Variants in CNTNAP2 observed in about 807,000 individuals in gnomAD.
CNTNAP2 encodes contactin-associated protein-like 2.
CNTNAP2 carries 98 observed loss-of-function variants against 155.2 expected under a neutral mutation model. That is an observed-to-expected ratio of 0.63 (90% CI 0.54 to 0.75). CNTNAP2 has a LOEUF of 0.75. Ranked by LOEUF, CNTNAP2 falls within the 30% of genes least tolerant of loss-of-function variation. CNTNAP2 has a pLI of 0.00. For missense variants in CNTNAP2, 1,727 were observed against 1,688.1 expected, an observed-to-expected ratio of 1.02 and a Z score of -0.40; for synonymous variants, 651 against 631.2, an observed-to-expected ratio of 1.03 and a Z score of -0.47.
chr7:148,012,073 T>G (rs1235796496), intron 15 of CNTNAP2, among the ~76,000 whole-genome samples: 3 of 152,128 alleles, frequency 2.0e-5, no homozygotes, highest in African/African-American at 7.2e-5. Flanking sequence ...ATTTTTTTGG[T>G]TTTTGCCTTT....
chr7:147,573,855 C>T (rs901195367), intron 12 of CNTNAP2, among the ~76,000 whole-genome samples: 14 of 152,114 alleles, frequency 9.2e-5, no homozygotes, highest in Non-Finnish European at 2.1e-4. Context: ...TAATTTTACC[C>T]TCTAATGTGG....
intron 1 of CNTNAP2, among the ~76,000 whole-genome samples, chr7:146,751,976 T>C (rs1055363412): frequency 1.3e-5 from 2 of 152,188 alleles, no homozygotes; most frequent in Non-Finnish European, 2.9e-5. Context: ...TAGGCCTGCA[T>C]AATATTCCAT....
chr7:146,219,124 C>T (rs1244869471), intron 1 of CNTNAP2, among the ~76,000 whole-genome samples: 1 of 152,094 alleles, frequency 6.6e-6, no homozygotes, highest in Non-Finnish European at 1.5e-5. Flanking sequence ...GGGGAAATTG[C>T]CATTTATAAG....
chr7:147,115,565 G>A (rs932487496), intron 5 of CNTNAP2, among the ~76,000 whole-genome samples: 1 of 152,060 alleles, frequency 6.6e-6, no homozygotes, highest in Admixed American at 6.6e-5. Flanking sequence ...ATTTCAGAAA[G>A]TTAGGCTTCA....
At chr7:146,427,792 T>C (rs996331165) in intron 1 of CNTNAP2, among the ~76,000 whole-genome samples, 1 of 152,226 alleles carries the variant, frequency 6.6e-6, no homozygotes, top group Non-Finnish European at 1.5e-5. Context: ...TCAGTTTTGT[T>C]ACATAGGTAA....
intron 9 of CNTNAP2, among the ~76,000 whole-genome samples, chr7:147,366,901 T>C (rs1796240845): frequency 6.6e-6 from 1 of 152,184 alleles, no homozygotes; most frequent in African/African-American, 2.4e-5. Context: ...TAATTTATTA[T>C]ATATCCACTT....
chr7:146,756,309 A>G (rs949557271), intron 1 of CNTNAP2, among the ~76,000 whole-genome samples: 4 of 151,990 alleles, frequency 2.6e-5, no homozygotes, highest in East Asian at 3.8e-4. Context: ...ATACTGGCCT[A>G]TGACTTTCCA....
chr7:146,955,596 A>G (rs765590156), intron 3 of CNTNAP2, among the ~76,000 whole-genome samples: 44 of 152,058 alleles, frequency 2.9e-4, no homozygotes, highest in Non-Finnish European at 5.4e-4. Context: ...AATTGTAAAT[A>G]TGATAAGTTT....
chr7:147,907,192 G>T (rs1332230723), intron 14 of CNTNAP2, among the ~76,000 whole-genome samples: 1 of 151,936 alleles, frequency 6.6e-6, no homozygotes, highest in African/African-American at 2.4e-5. Flanking sequence ...GAGTAGCTGG[G>T]ACTACAGGCG....
At chr7:147,971,776 G>A (rs532812248) in intron 14 of CNTNAP2, among the ~76,000 whole-genome samples, 2 of 152,186 alleles carry the variant, frequency 1.3e-5, no homozygotes, top group Non-Finnish European at 1.5e-5. Context: ...GGCTTTGTGT[G>A]AACATATGCT....
intron 3 of CNTNAP2, among the ~76,000 whole-genome samples, chr7:146,934,944 A>T (rs141844618): frequency 1.2e-3 from 176 of 152,320 alleles, no homozygotes; most frequent in African/African-American, 3.3e-3. Flanking sequence ...ACTCAGAGAA[A>T]AGTTTAGAGG....
At chr7:146,973,649 T>G (rs1421191285) in intron 3 of CNTNAP2, among the ~76,000 whole-genome samples, 3 of 152,226 alleles carry the variant, frequency 2.0e-5, no homozygotes, top group Non-Finnish European at 4.4e-5. Flanking sequence ...TTATGGAAAC[T>G]CTAATTTCTA....
At chr7:147,641,935 G>C (rs1584874750) in intron 13 of CNTNAP2, among the ~76,000 whole-genome samples, 1 of 152,076 alleles carries the variant, frequency 6.6e-6, no homozygotes. Context: ...TGATATTCCT[G>C]CTCTAGAGAC....
chr7:148,129,615 A>G (rs1387300064), intron 16 of CNTNAP2, among the ~76,000 whole-genome samples: 1 of 152,230 alleles, frequency 6.6e-6, no homozygotes, highest in Non-Finnish European at 1.5e-5. Flanking sequence ...CTTGAATGAC[A>G]AAAAAGTTAA....
At chr7:146,837,351 A>G (rs1289027908) in intron 2 of CNTNAP2, among the ~76,000 whole-genome samples, 1 of 152,104 alleles carries the variant, frequency 6.6e-6, no homozygotes, top group Admixed American at 6.6e-5. Context: ...TGTTAAGCCC[A>G]TCCATTAAAT....
In CNTNAP2 at chr7:147,119,237, T is replaced by C. The variant is rs566543957; in HGVS notation, c.755-1742T>C. Reference sequence around the variant, plus strand: ...CCCAAATGAAACATGTAGAGTAACCTTTTAAAATCAACTGTGGCTTATAGC... The same window carrying C: ...CCCAAATGAAACATGTAGAGTAACCCTTTAAAATCAACTGTGGCTTATAGC... On this transcript the variant is annotated intron_variant, in intron 5 of 23. Coordinates refer to ENST00000361727, the MANE Select transcript of CNTNAP2 (RefSeq NM_014141.6). 1.2e-4 allele frequency among the ~76,000 whole-genome samples: 18 copies of C among 152,286 alleles called. 1 individual carries two copies. The highest frequency in any genetic ancestry group is 3.8e-4 in the African/African-American group (16 of 41,580).
At chr7:146,470,540 C>T (rs771726919) in intron 1 of CNTNAP2, among the ~76,000 whole-genome samples, 1 of 151,922 alleles carries the variant, frequency 6.6e-6, no homozygotes, top group Non-Finnish European at 1.5e-5. Context: ...GTGTTTCTTG[C>T]TATCCCTAAC....
At chr7:147,800,194 A>G (rs1797961672) in intron 13 of CNTNAP2, among the ~76,000 whole-genome samples, 1 of 152,180 alleles carries the variant, frequency 6.6e-6, no homozygotes, top group African/African-American at 2.4e-5. Flanking sequence ...TCATTCTGTC[A>G]TCACATATTT....
Position 148,240,698 on chromosome 7 carries a change from G to A in CNTNAP2, c.3381+10919G>A, listed in dbSNP as rs954316611. On this transcript the variant is annotated intron_variant, in intron 20 of 23. Coordinates refer to ENST00000361727, the MANE Select transcript of CNTNAP2 (RefSeq NM_014141.6). ...GATCACAAGCTGAGATCCCACAGTAGACCGTCTACAAGCTGAGGACCAAGG... is the reference window on the plus strand; with the variant it reads ...GATCACAAGCTGAGATCCCACAGTAAACCGTCTACAAGCTGAGGACCAAGG... 5.3e-5 allele frequency among the ~76,000 whole-genome samples: 8 copies of A among 152,252 alleles called. No homozygotes were observed. The East Asian group carries it at 5.8e-4, about 11-fold the overall frequency.
Sources: allele counts gnomAD v4.1 joint callset (sites outside exome capture counted in the v4.1 genomes callset), GRCh38; gene constraint gnomAD v4.1.1; transcripts MANE v1.5; gene names NCBI Gene and HGNC (gene_info 2026-07-23, HGNC 2026-07-21).